NF1: variants seen among roughly 807,000 people sequenced by gnomAD.
The protein encoded by NF1 is neurofibromin 1.
In NF1, 122 loss-of-function variants were observed where a neutral mutation model predicts 325.7. The ratio of observed to expected loss-of-function variants is 0.37; its 90% CI spans 0.32 to 0.44. The LOEUF (loss-of-function observed/expected upper bound fraction) is 0.44. NF1 is among the 20% of genes least tolerant of loss of function. The probability of loss-of-function intolerance (pLI) is 1.00; values close to 1 mark genes in which losing one functional copy is unlikely to be tolerated. For synonymous variants in NF1, 1,091 were observed against 1,186.0 expected, an observed-to-expected ratio of 0.92 and a Z score of 1.65; for missense variants, 2,140 against 3,415.4, an observed-to-expected ratio of 0.63 and a Z score of 9.31.
chr17:31,156,960 C>CATTT (rs1179692576), intron 2 of NF1, among the ~76,000 whole-genome samples: 2 of 152,058 alleles, frequency 1.3e-5, no homozygotes, highest in African/African-American at 4.8e-5. Flanking sequence ...TGGTGTTTAG[C>CATTT]ATTTATTTAT....
In NF1 at chr17:31,337,361, C is replaced by T. The variant is rs1597843613; in HGVS notation, c.6428-7C>T. The T allele has an allele frequency of 6.2e-7, 1 of 1,604,760 alleles. No individual in the cohort carries two copies. The highest frequency in any genetic ancestry group is 1.3e-5 in the African/African-American group (1 of 74,844). Reference sequence around the variant, plus strand: ...CTGTCTTTACTTGTTCCTTTATTCTCTTACAGAAGAGACCAAGCAAGTTTT... The same window carrying T: ...CTGTCTTTACTTGTTCCTTTATTCTTTTACAGAAGAGACCAAGCAAGTTTT... On this transcript the variant is annotated splice_polypyrimidine_tract_variant and splice_region_variant and intron_variant, in intron 42 of 57. Coordinates refer to ENST00000358273, the MANE Select transcript of NF1 (RefSeq NM_001042492.3).
intron 36 of NF1, among the ~76,000 whole-genome samples, chr17:31,298,073 T>C (rs2068502096): frequency 6.6e-6 from 1 of 152,194 alleles, no homozygotes; most frequent in African/African-American, 2.4e-5. Context: ...TGGTGCTGTA[T>C]GAATGACCAT....
rs2069692236 is a variant in NF1, at chr17:31,336,931, G to C, written c.6427+17G>C. 1.2e-6 allele frequency: 2 copies of C among 1,604,820 alleles called. No individual in the cohort carries two copies. The highest frequency in any genetic ancestry group is 3.3e-5 in the Admixed American group (2 of 59,994). ...ATTTTAGTGGTAAGTTCTAGGAAAG[G>C]AATTTGTGTTTACCAGTTCCTTTCT... On this transcript the variant is annotated intron_variant, in intron 42 of 57. Coordinates refer to ENST00000358273, the MANE Select transcript of NF1 (RefSeq NM_001042492.3). The surrounding 1 kb of genome is among the most constrained non-coding windows in gnomAD (Gnocchi z 5.5).
At chr17:31,320,325 C>T (rs768510141) in intron 36 of NF1, 14 of 1,452,832 alleles carry the variant, frequency 9.6e-6, no homozygotes, top group Non-Finnish European at 1.2e-5. Flanking sequence ...CTCAAATGTA[C>T]TTAGGAGTCC....
intron 40 of NF1, among the ~76,000 whole-genome samples, chr17:31,335,702 T>C (rs2069648947): frequency 1.3e-5 from 2 of 151,656 alleles, no homozygotes; most frequent in Admixed American, 1.3e-4. Context: ...TTTTTGAGAC[T>C]GAGTCTCGCT....
chr17:31,318,211 T>C, intron 36 of NF1: 2 of 1,482,636 alleles, frequency 1.3e-6, no homozygotes, highest in South Asian at 2.8e-5. Context: ...TGTCAAATTT[T>C]AGATAATCAG....
rs2151574599 is a variant in NF1, at chr17:31,350,294, T to C, written c.7433T>C (p.Ile2478Thr). 1 of 1,612,866 alleles carries C rather than the reference T, an allele frequency of 6.2e-7. No homozygotes were observed. The highest frequency in any genetic ancestry group is 8.5e-7 in the Non-Finnish European group (1 of 1,179,016). Residue 2478 changes from isoleucine to threonine, a missense_variant, in exon 50 of 58, where the codon ATT (isoleucine) becomes ACT (threonine). Coordinates refer to ENST00000358273, the MANE Select transcript of NF1 (RefSeq NM_001042492.3). The stretch of plus-strand genomic sequence containing the variant: ...AATGTTCCTATGGATACATATCCCA[T>C]TCATCATGGTGACCCTTCCTATAGG... ...MENVPMDTYP[I>T]HHGDPSYRTL...
At chr17:31,269,153 C>G (rs148557226) in intron 36 of NF1, among the ~76,000 whole-genome samples, 91 of 152,180 alleles carry the variant, frequency 6.0e-4, no homozygotes, top group Non-Finnish European at 1.1e-3. Context: ...CCTCCTTCAT[C>G]ACCAGTTGAC....
At position 31,226,462 on chromosome 17, in the gene NF1, C is replaced by T. The variant is rs2151425585; in HGVS notation, c.2029C>T (p.Pro677Ser). The part of the protein sequence containing the change: ...MDSAAGCSGT[P>S]PICRQAQTKL... The stretch of plus-strand genomic sequence containing the variant: ...TAGTGCAGCAGGATGCAGCGGAACC[C>T]CCCCGATTTGCCGACAAGCCCAGAC... The change falls in exon 18 of 58, where the codon CCC becomes TCC. Residue 677 changes from proline to serine, a missense_variant. This residue lies in a region of NF1 where 380 missense variants were observed against 639.3 expected (regional missense o/e 0.59). Coordinates refer to ENST00000358273, the MANE Select transcript of NF1 (RefSeq NM_001042492.3). 6.2e-7 allele frequency: 1 copy of T among 1,613,734 alleles called. No homozygotes were observed. The highest frequency in any genetic ancestry group is 1.1e-5 in the South Asian group (1 of 91,058).
intron 36 of NF1, among the ~76,000 whole-genome samples, chr17:31,301,509 A>G (rs745581906): frequency 2.0e-5 from 3 of 152,186 alleles, no homozygotes; most frequent in South Asian, 4.1e-4. Flanking sequence ...CAAAGGTGCT[A>G]CTTTACTTTT....
At chr17:31,331,313 G>A (rs1334837262) in intron 39 of NF1, 1 of 152,148 alleles carries the variant, frequency 6.6e-6, no homozygotes, top group Non-Finnish European at 1.5e-5. Flanking sequence ...AGATTTGAGT[G>A]AATGTAAAGG....
chr17:31,318,447 C>T, intron 36 of NF1: 1 of 1,613,972 alleles, frequency 6.2e-7, no homozygotes, highest in Non-Finnish European at 8.5e-7. Context: ...ATTCAGCGGG[C>T]CATAGACCGC....
At chr17:31,223,394 G>A (rs372465349) in intron 15 of NF1, 50 bp from the exon 16 acceptor site, 107 of 1,600,828 alleles carry the variant, frequency 6.7e-5, no homozygotes, top group Non-Finnish European at 6.9e-5. Flanking sequence ...GGTTATATCT[G>A]CATTAGGTTA....
chr17:31,182,389 G>A, intron 7 of NF1, 119 bp from the exon 8 acceptor site: 1 of 910,818 alleles, frequency 1.1e-6, no homozygotes, highest in South Asian at 1.5e-5. Flanking sequence ...CTTAAATGAA[G>A]TTCCATGTTT....
At chr17:31,326,285 A>G (rs2069340096) in intron 37 of NF1, 33 bp downstream of exon 37, 15 of 1,591,186 alleles carry the variant, frequency 9.4e-6, no homozygotes, top group Non-Finnish European at 1.3e-5. Flanking sequence ...TAAACGATTC[A>G]TTGCTTTTCT....
chr17:31,258,403 C>T lies in NF1; in HGVS notation c.4233C>T (p.Leu1411=), dbSNP rs2151461945. ...GTGCAGTAGGAAGTGCCATGTTCCT[C>T]AGATTTATCAATCCTGCCATTGTCT... The part of the protein sequence containing the change: ...SIGAVGSAMF[L]RFINPAIVSP... The change falls in exon 32 of 58, where the codon CTC becomes CTT. Residue 1411 remains leucine (L), a synonymous_variant. Coordinates refer to ENST00000358273, the MANE Select transcript of NF1 (RefSeq NM_001042492.3). 6.2e-7 allele frequency: 1 copy of T among 1,613,968 alleles called. No homozygotes were observed. Among genetic ancestry groups the T allele is most frequent in the Non-Finnish European group, 8.5e-7 (1 of 1,179,926 alleles).
intron 36 of NF1, among the ~76,000 whole-genome samples, chr17:31,277,485 G>A (rs2068030964): frequency 6.6e-6 from 1 of 152,142 alleles, no homozygotes; most frequent in Admixed American, 6.5e-5. Context: ...ATTAGTTCGT[G>A]CTGACTAACA....
At position 31,179,588 on chromosome 17, in the gene NF1, G is replaced by A. The variant is rs145235231; in HGVS notation, c.587-1834G>A. Among the ~76,000 whole-genome samples the A allele has an allele frequency of 3.0e-4, 45 of 152,040 alleles. No homozygotes were observed. In the East Asian group the frequency reaches 5.6e-3, roughly 19 times the overall value. On this transcript the variant is annotated intron_variant, in intron 5 of 57. Transcript: ENST00000358273. ...GAGTCTCCTGACCTCGTGATCCGCC[G>A]CCTTGGCCTCAGTGAAACCCCATCT... is the stretch of plus-strand genomic sequence containing the variant.
intron 1 of NF1, among the ~76,000 whole-genome samples, chr17:31,103,729 G>A (rs568813670): frequency 1.4e-4 from 21 of 152,014 alleles, no homozygotes; most frequent in Admixed American, 6.6e-4. Flanking sequence ...AAGCTTTTTG[G>A]GGGGCTGAGG....
Sources: gnomAD v4.1 joint callset for allele counts (sites outside exome capture counted in the v4.1 genomes callset) on GRCh38, gnomAD v4.1.1 for gene constraint, gnomAD v4.1.1 regional missense constraint, Gnocchi (gnomAD v3.1) non-coding constraint, MANE v1.5 for transcripts, NCBI Gene and HGNC (gene_info 2026-07-23, HGNC 2026-07-21) for gene names.